Variants in OSBPL2 observed in about 807,000 individuals in gnomAD.
OSBPL2 encodes oxysterol binding protein like 2, also known as oxysterol-binding protein-related protein 2.
A neutral mutation model predicts 58.4 loss-of-function variants in OSBPL2; 18 were observed. The observed-to-expected ratio is 0.31, with a 90% CI of 0.21 to 0.46. OSBPL2 has a LOEUF of 0.46. Among genes scored for constraint, OSBPL2 ranks in the 20% least tolerant of loss-of-function variants. The pLI is 1.00. For synonymous variants in OSBPL2, 221 were observed against 234.1 expected (o/e 0.94, Z 0.51); for missense variants, 461 against 616.5 (o/e 0.75, Z 2.67).
chr20:62,281,351 C>T (rs987591445), intron 8 of OSBPL2, 186 bp downstream of exon 8: 6 of 577,068 alleles, frequency 1.0e-5, no homozygotes, highest in African/African-American at 7.5e-5. Flanking sequence ...CATGAATGCT[C>T]CTCGTTCAAG....
intron 12 of OSBPL2, chr20:62,291,502 G>C (rs960082116): frequency 1.6e-6 from 1 of 618,070 alleles, no homozygotes; most frequent in East Asian, 2.9e-5. Flanking sequence ...ACTCAGCTCC[G>C]CTTGGGAAGG....
chr20:62,273,476 C>G (rs553432744), intron 6 of OSBPL2, 70 bp downstream of exon 6: 7 of 1,159,458 alleles, frequency 6.0e-6, no homozygotes, highest in Middle Eastern at 2.0e-4. Context: ...AAGTTTGATT[C>G]TTTCACTAGC....
chr20:62,262,841 G>A (rs1318862683), intron 3 of OSBPL2, among the ~76,000 whole-genome samples: 3 of 152,158 alleles, frequency 2.0e-5, no homozygotes, highest in Admixed American at 2.0e-4. Context: ...GAGCCCTGGG[G>A]TGTCCCTGGA....
Position 62,260,268 on chromosome 20 carries a change from C to T in OSBPL2, c.182+143C>T. 4 of 747,480 alleles carry T rather than the reference C, an allele frequency of 5.4e-6. 1 individual carries two copies. The South Asian group carries it at 5.4e-5, about 10-fold the overall frequency. 46.3% of individuals were successfully genotyped at this position (747,480 alleles called of 1,614,324 possible). A position where few individuals can be genotyped will look rare whatever the true frequency, so the allele number is the denominator to read the frequency against. ...CTGGCCTCCCCATCCGGACAGCCTC[C>T]TCTGTCTGGCCAGCAAGGGTTCAGA... On this transcript the variant is annotated intron_variant, in intron 3 of 13. Coordinates refer to ENST00000313733, the MANE Select transcript of OSBPL2 (RefSeq NM_144498.4).
At chr20:62,267,208 A>G (rs1399740728) in intron 4 of OSBPL2, among the ~76,000 whole-genome samples, 1 of 152,168 alleles carries the variant, frequency 6.6e-6, no homozygotes, top group Admixed American at 6.5e-5. Context: ...TCACATTACT[A>G]CACTCCAGCC....
intron 3 of OSBPL2, among the ~76,000 whole-genome samples, chr20:62,262,560 C>G (rs556208186): frequency 6.6e-6 from 1 of 152,334 alleles, no homozygotes; most frequent in Non-Finnish European, 1.5e-5. Flanking sequence ...TGGCTTCCGG[C>G]AGCCCGGGCC....
chr20:62,256,771 C>T (rs1313400953), intron 2 of OSBPL2, among the ~76,000 whole-genome samples: 1 of 152,238 alleles, frequency 6.6e-6, no homozygotes, highest in Non-Finnish European at 1.5e-5. Context: ...GGCTCATGGG[C>T]ATGTGACGGG....
chr20:62,272,811 G>A (rs776128234), intron 5 of OSBPL2, among the ~76,000 whole-genome samples: 8 of 152,212 alleles, frequency 5.3e-5, no homozygotes, highest in Non-Finnish European at 1.2e-4. Context: ...AGAGAGGATC[G>A]CTTGTGCCCA....
At chr20:62,262,579 A>C (rs1229987358) in intron 3 of OSBPL2, among the ~76,000 whole-genome samples, 1 of 152,180 alleles carries the variant, frequency 6.6e-6, no homozygotes, top group Admixed American at 6.5e-5. Context: ...CCTGGTACTC[A>C]GCAGATGTTC....
intron 1 of OSBPL2, among the ~76,000 whole-genome samples, chr20:62,240,601 A>G (rs1220322728): frequency 2.6e-5 from 4 of 152,214 alleles, no homozygotes; most frequent in Admixed American, 2.6e-4. Context: ...CCCAGGCTCC[A>G]GGGTTCACAC....
intron 9 of OSBPL2, 103 bp downstream of exon 9, chr20:62,281,982 C>T (rs180776184): frequency 1.8e-5 from 12 of 677,102 alleles, no homozygotes; most frequent in Admixed American, 1.3e-4. Flanking sequence ...GTGCATGAGA[C>T]GCGGGTACAC....
chr20:62,250,374 G>T lies in OSBPL2; in HGVS notation c.-128-5683G>T, dbSNP rs1020269195. Among the ~76,000 whole-genome samples, 15 of 152,184 alleles carry T rather than the reference G, an allele frequency of 9.9e-5. 1 individual carries two copies. The highest frequency in any genetic ancestry group is 1.9e-4 in the Non-Finnish European group (13 of 68,028). On this transcript the variant is annotated intron_variant, in intron 1 of 13. Coordinates refer to ENST00000313733, the MANE Select transcript of OSBPL2 (RefSeq NM_144498.4). ...GTTGGAATTCACTGTCGCACATGCA[G>T]ATGTGGGGGTCTGAGGGCACTGTGA...
intron 6 of OSBPL2, among the ~76,000 whole-genome samples, chr20:62,274,280 A>G (rs1982248236): frequency 6.6e-6 from 1 of 152,242 alleles, no homozygotes; most frequent in Non-Finnish European, 1.5e-5. Flanking sequence ...AAAGCAGGCC[A>G]GACCATGGCA....
At chr20:62,289,862 A>G (rs1983376247) in intron 12 of OSBPL2, among the ~76,000 whole-genome samples, 1 of 152,272 alleles carries the variant, frequency 6.6e-6, no homozygotes, top group Non-Finnish European at 1.5e-5. Context: ...CCGAGATTAT[A>G]CCACTGCACT....
intron 6 of OSBPL2, 144 bp from the exon 7 acceptor site, chr20:62,279,013 G>C (rs965970356): frequency 3.4e-5 from 22 of 637,960 alleles, no homozygotes; most frequent in Non-Finnish European, 5.2e-5. Context: ...CGGAGAGGTG[G>C]TGTTGGGTGT....
chr20:62,284,274 G>T, intron 10 of OSBPL2, 105 bp downstream of exon 10: 2 of 1,349,302 alleles, frequency 1.5e-6, no homozygotes, highest in Non-Finnish European at 2.1e-6. Context: ...GAACCTTTGG[G>T]CCCCACCAGG....
chr20:62,260,147 G>A (rs924716660), intron 3 of OSBPL2, 22 bp downstream of exon 3: 9 of 1,609,800 alleles, frequency 5.6e-6, no homozygotes, highest in Non-Finnish European at 7.6e-6. Flanking sequence ...CACGTCTGCT[G>A]TTTCTAAAAT....
chr20:62,268,590 CTATT>C (rs1356685891), intron 4 of OSBPL2, among the ~76,000 whole-genome samples: 5 of 152,070 alleles, frequency 3.3e-5, no homozygotes, highest in South Asian at 2.1e-4. Flanking sequence ...ACTTCTTAAT[CTATT>C]TATTTATTTA....
rs527246545 is a variant in OSBPL2 at position 62,250,773 on chromosome 20, C to T, written c.-128-5284C>T. Among the ~76,000 whole-genome samples, 4 of 152,040 alleles carry T rather than the reference C, an allele frequency of 2.6e-5. No individual in the cohort carries two copies. In the South Asian group the frequency reaches 8.3e-4, roughly 32 times the overall value. Reference sequence around the variant, plus strand: ...CTGTCCCTACAAGCAGTTTTTTAAACAATTAGCCGGGTATGATGGTGTACG... The same window carrying T: ...CTGTCCCTACAAGCAGTTTTTTAAATAATTAGCCGGGTATGATGGTGTACG... On this transcript the variant is annotated intron_variant, in intron 1 of 13. Coordinates refer to ENST00000313733, the MANE Select transcript of OSBPL2 (RefSeq NM_144498.4).
Sources: allele counts gnomAD v4.1 joint callset (sites outside exome capture counted in the v4.1 genomes callset), GRCh38; gene constraint gnomAD v4.1.1; transcripts MANE v1.5; gene names NCBI Gene and HGNC (gene_info 2026-07-23, HGNC 2026-07-21).